GABRG3: variants seen among roughly 807,000 people sequenced by gnomAD.
The protein encoded by GABRG3 is gamma-aminobutyric acid type A receptor subunit gamma3.
In GABRG3, 25 loss-of-function variants were observed where a neutral mutation model predicts 48.8. The ratio of observed to expected loss-of-function variants is 0.51; its 90% CI spans 0.37 to 0.72. The LOEUF is 0.72. Among genes scored for constraint, GABRG3 ranks in the 30% least tolerant of loss-of-function variants. The pLI is 0.00. For synonymous variants in GABRG3, 227 were observed against 217.6 expected (o/e 1.04, Z -0.38); for missense variants, 394 against 577.9 (o/e 0.68, Z 3.26).
At chr15:27,191,581 C>T (rs1338827048) in intron 3 of GABRG3, among the ~76,000 whole-genome samples, 1 of 152,096 alleles carries the variant, frequency 6.6e-6, no homozygotes, top group Non-Finnish European at 1.5e-5. Flanking sequence ...CTTGGTAGAT[C>T]TTCCTCCATC....
chr15:27,346,609 A>G (rs2140532402), intron 5 of GABRG3, among the ~76,000 whole-genome samples: 1 of 148,502 alleles, frequency 6.7e-6, no homozygotes, highest in South Asian at 2.2e-4. Context: ...CCCATGGTTC[A>G]TGAATGTTCT....
intron 5 of GABRG3, among the ~76,000 whole-genome samples, chr15:27,416,191 A>T (rs1887935408): frequency 1.3e-5 from 2 of 152,206 alleles, no homozygotes. Context: ...GTCAGACAGG[A>T]TGTACCGGGT....
At chr15:27,003,430 G>A (rs1264955844) in intron 2 of GABRG3, among the ~76,000 whole-genome samples, 3 of 150,880 alleles carry the variant, frequency 2.0e-5, no homozygotes, top group African/African-American at 7.3e-5. Flanking sequence ...GACTCTTAAC[G>A]AGCATGCTGC....
chr15:27,033,731 A>G (rs1170464799), intron 3 of GABRG3, among the ~76,000 whole-genome samples: 1 of 152,234 alleles, frequency 6.6e-6, no homozygotes, highest in Non-Finnish European at 1.5e-5. Context: ...ATTATTTTAT[A>G]AAATGAACAA....
chr15:27,417,448 T>C (rs1053917587), intron 5 of GABRG3, among the ~76,000 whole-genome samples: 8 of 152,182 alleles, frequency 5.3e-5, no homozygotes, highest in African/African-American at 1.9e-4. Flanking sequence ...GCTCCACAGC[T>C]TTGGCTGGGT....
At chr15:27,252,351 C>A (rs1396645983) in intron 3 of GABRG3, among the ~76,000 whole-genome samples, 3 of 152,042 alleles carry the variant, frequency 2.0e-5, no homozygotes, top group African/African-American at 7.2e-5. Context: ...GCTGGGCAGT[C>A]CTTCTGTGTC....
intron 3 of GABRG3, among the ~76,000 whole-genome samples, chr15:27,237,716 C>T (rs1310883683): frequency 6.6e-6 from 1 of 152,190 alleles, no homozygotes; most frequent in Non-Finnish European, 1.5e-5. Context: ...TACTTCCTGC[C>T]AGCTGCACCC....
chr15:27,066,507 C>T (rs2140729164), intron 3 of GABRG3, among the ~76,000 whole-genome samples: 1 of 152,094 alleles, frequency 6.6e-6, no homozygotes, highest in African/African-American at 2.4e-5. Context: ...TTTAAATATG[C>T]CTGGAAGAAA....
At chr15:27,482,349 C>T (rs1890119899) in intron 6 of GABRG3, among the ~76,000 whole-genome samples, 1 of 152,208 alleles carries the variant, frequency 6.6e-6, no homozygotes, top group Non-Finnish European at 1.5e-5. Flanking sequence ...CATGAGAAGT[C>T]ACGCCCTGCC....
At chr15:27,132,200 T>C (rs1897927320) in intron 3 of GABRG3, among the ~76,000 whole-genome samples, 1 of 152,062 alleles carries the variant, frequency 6.6e-6, no homozygotes, top group Non-Finnish European at 1.5e-5. Context: ...TCCAAAAAAA[T>C]CCTTCCCCAG....
intron 3 of GABRG3, among the ~76,000 whole-genome samples, chr15:27,307,786 A>T (rs1892696193): frequency 7.6e-6 from 1 of 131,514 alleles, no homozygotes; most frequent in African/African-American, 2.8e-5. Context: ...TTATATATAA[A>T]CATATATATA....
chr15:27,137,106 C>T (rs546150278), intron 3 of GABRG3, among the ~76,000 whole-genome samples: 1 of 152,324 alleles, frequency 6.6e-6, no homozygotes, highest in South Asian at 2.1e-4. Context: ...ATGCTCTGGG[C>T]CTTTGCCTGG....
chr15:27,116,434 A>AG (rs1406555843), intron 3 of GABRG3, among the ~76,000 whole-genome samples: 8 of 152,320 alleles, frequency 5.3e-5, no homozygotes, highest in African/African-American at 1.9e-4. Flanking sequence ...CTTAATGGCA[A>AG]AAACACTAGA....
chr15:27,031,099 AAC>A (rs1431814591), intron 3 of GABRG3, among the ~76,000 whole-genome samples: 1 of 151,236 alleles, frequency 6.6e-6, no homozygotes, highest in East Asian at 1.9e-4. Flanking sequence ...TACAACACAT[AAC>A]ACATTATTAT....
At chr15:27,363,770 T>C (rs1895101000) in intron 5 of GABRG3, 1 of 152,164 alleles carries the variant, frequency 6.6e-6, no homozygotes, top group Non-Finnish European at 1.5e-5. Context: ...GCATGAGTTA[T>C]TAGTATTATT....
chr15:27,299,035 G>C (rs772047403), intron 3 of GABRG3, among the ~76,000 whole-genome samples: 1 of 152,118 alleles, frequency 6.6e-6, no homozygotes, highest in Non-Finnish European at 1.5e-5. Context: ...TGTAATCCCC[G>C]CACTTTGAGA....
intron 5 of GABRG3, among the ~76,000 whole-genome samples, chr15:27,419,315 A>T (rs1467463891): frequency 2.0e-5 from 3 of 151,774 alleles, no homozygotes; most frequent in Non-Finnish European, 4.4e-5. Context: ...CCCGGCCCTC[A>T]GGCTTTTTGA....
chr15:27,310,459 A>G (rs1595667581), intron 3 of GABRG3, among the ~76,000 whole-genome samples: 1 of 152,144 alleles, frequency 6.6e-6, no homozygotes, highest in East Asian at 1.9e-4. Flanking sequence ...TAAACCATTA[A>G]TGAGAGAAAT....
intron 3 of GABRG3, among the ~76,000 whole-genome samples, chr15:27,102,878 T>C (rs1897385557): frequency 6.6e-6 from 1 of 152,214 alleles, no homozygotes; most frequent in Non-Finnish European, 1.5e-5. Context: ...ACCACCGGCA[T>C]TAAAAACTAA....
Sources: allele counts gnomAD v4.1 joint callset (sites outside exome capture counted in the v4.1 genomes callset), GRCh38; gene constraint gnomAD v4.1.1; transcripts MANE v1.5; gene names NCBI Gene and HGNC (gene_info 2026-07-23, HGNC 2026-07-21).